Variants in PBDC1 observed in about 807,000 individuals in gnomAD.
The protein encoded by PBDC1 is protein PBDC1.
In PBDC1, 3 loss-of-function variants were observed where a neutral mutation model predicts 12.0. The observed-to-expected ratio is 0.25, with a 90% CI of 0.11 to 0.64. The LOEUF (loss-of-function observed/expected upper bound fraction) is 0.64. PBDC1 is among the 30% of genes least tolerant of loss of function. The pLI is 0.84. For synonymous variants in PBDC1, 64 were observed against 56.4 expected (o/e 1.13, Z -0.60); for missense variants, 162 against 168.1 (o/e 0.96, Z 0.20).
In PBDC1 at chrX:76,178,263, T is replaced by G. The variant is rs1165187711; in HGVS notation, c.*355T>G. ...CTTGAAATTTTTTTCAAATATGTAATCTCATCACCATGTCTTATATAAGAT... is the reference window on the plus strand; with the variant it reads ...CTTGAAATTTTTTTCAAATATGTAAGCTCATCACCATGTCTTATATAAGAT... On this transcript the variant is annotated 3_prime_UTR_variant, in exon 6 of 6. Transcript: ENST00000373358. 7.3e-6 allele frequency: 2 copies of G among 272,349 alleles called. No individual in the cohort carries two copies. Among genetic ancestry groups the G allele is most frequent in the Non-Finnish European group, 1.3e-5 (2 of 154,733 alleles). The allele number at this position is 272,349 out of a possible 1,213,427, so 22.4% of individuals were successfully genotyped here.
chrX:76,173,765 C>T, intron 2 of PBDC1, 115 bp downstream of exon 2: 1 of 385,458 alleles, frequency 2.6e-6, no homozygotes. Flanking sequence ...AGACCCTCTC[C>T]ACTTACACCA....
intron 2 of PBDC1, among the ~76,000 whole-genome samples, chrX:76,174,392 T>C (rs782432959): frequency 9.8e-5 from 11 of 112,117 alleles, no homozygotes; most frequent in East Asian, 2.8e-4. Flanking sequence ...GTAAGACTTA[T>C]TATAACCTTG....
At position 76,173,086 on chromosome X, in the gene PBDC1, G is replaced by A. The variant is rs1924695292; in HGVS notation, c.-53G>A. The A allele has an allele frequency of 1.7e-6, 2 of 1,152,320 alleles. No homozygotes were observed. The highest frequency in any genetic ancestry group is 2.3e-6 in the Non-Finnish European group (2 of 858,149). The allele number at this position is 1,152,320 out of a possible 1,213,427, so 95.0% of individuals were successfully genotyped here. A position where few individuals can be genotyped will look rare whatever the true frequency, so the allele number is the denominator to read the frequency against. On this transcript the variant is annotated 5_prime_UTR_variant, in exon 1 of 6. Coordinates refer to ENST00000373358, the MANE Select transcript of PBDC1 (RefSeq NM_016500.5). ...CGCCAGTTGAGAAGGACTCTGATCC[G>A]GCTCAGCTTTCCAATCAGCTGCGGA...
chrX:76,175,353 G>A (rs1356540412), intron 3 of PBDC1, 120 bp from the exon 4 acceptor site: 7 of 628,367 alleles, frequency 1.1e-5, no homozygotes, highest in African/African-American at 9.0e-5. Context: ...GTAGACTGTC[G>A]ACACTTCCTG....
At chrX:76,174,983 A>C (rs782314230) in intron 3 of PBDC1, 34 bp downstream of exon 3, 1 of 1,027,124 alleles carries the variant, frequency 9.7e-7, no homozygotes, top group South Asian at 1.9e-5. Flanking sequence ...AAGCAGAATT[A>C]AACATGTAAT....
Position 76,175,730 on chromosome X carries a change from C to G in PBDC1, c.297+117C>G. ...GAGAAAAATATGTAAAGAACCAGAA[C>G]TTCTTTTCTAGTTGTAATCAACTAA... is the stretch of plus-strand genomic sequence containing the variant. On this transcript the variant is annotated intron_variant, in intron 4 of 5. Coordinates refer to ENST00000373358, the MANE Select transcript of PBDC1 (RefSeq NM_016500.5). 2 of 526,409 alleles carry G rather than the reference C, an allele frequency of 3.8e-6. 1 individual carries two copies. Among genetic ancestry groups the G allele is most frequent in the Non-Finnish European group, 5.9e-6 (2 of 340,171 alleles). 43.4% of individuals were successfully genotyped at this position (526,409 alleles called of 1,213,427 possible).
rs782443234 is a variant in PBDC1, at chrX:76,177,039, A to G, written c.409+47A>G. On this transcript the variant is annotated intron_variant, in intron 5 of 5. Coordinates refer to ENST00000373358, the MANE Select transcript of PBDC1 (RefSeq NM_016500.5). The stretch of plus-strand genomic sequence containing the variant: ...TTGTTTCTGTGTAAGGAGACTGAAC[A>G]GTCTGGCTTTACTGATGAATCAGTG... 14 of 875,887 alleles carry G rather than the reference A, an allele frequency of 1.6e-5. No individual in the cohort carries two copies. The African/African-American group carries it at 2.2e-4, about 14-fold the overall frequency. The allele number at this position is 875,887 out of a possible 1,213,427, so 72.2% of individuals were successfully genotyped here.
chrX:76,177,953 C>T lies in PBDC1; in HGVS notation c.*45C>T. On this transcript the variant is annotated 3_prime_UTR_variant, in exon 6 of 6. Coordinates refer to ENST00000373358, the MANE Select transcript of PBDC1 (RefSeq NM_016500.5). ...TCTAGAAGCTATGACTCAATTGAGA[C>T]TACAAGTACCACGGTGCTACTTGCA... 2 of 1,198,945 alleles carry T rather than the reference C, an allele frequency of 1.7e-6. No homozygotes were observed. The highest frequency in any genetic ancestry group is 2.2e-6 in the Non-Finnish European group (2 of 889,810).
Position 76,173,629 on chromosome X carries a change from A to G in PBDC1, c.75A>G (p.Pro25=). ...LVSVAHALSL[P]AESYGNDPDI... Reference sequence around the variant, plus strand: ...CTGTGGCACATGCGCTTTCTCTCCCAGCAGAGTCGTATGGCAACGATGTGA... The same window carrying G: ...CTGTGGCACATGCGCTTTCTCTCCCGGCAGAGTCGTATGGCAACGATGTGA... The change falls in exon 2 of 6, where the codon CCA becomes CCG. Residue 25 remains proline (P), a synonymous_variant. Transcript: ENST00000373358. 3 of 1,193,830 alleles carry G rather than the reference A, an allele frequency of 2.5e-6. No homozygotes were observed. Among genetic ancestry groups the G allele is most frequent in the Non-Finnish European group, 3.4e-6 (3 of 886,298 alleles).
chrX:76,177,776 A>C lies in PBDC1; in HGVS notation c.570A>C (p.Gly190=), dbSNP rs781904025. 1 of 1,201,688 alleles carries C rather than the reference A, an allele frequency of 8.3e-7. No homozygotes were observed. The highest frequency in any genetic ancestry group is 1.8e-5 in the South Asian group (1 of 55,369). The change falls in exon 6 of 6, where the codon GGA becomes GGC. Residue 190 remains glycine, a synonymous_variant. Coordinates refer to ENST00000373358, the MANE Select transcript of PBDC1 (RefSeq NM_016500.5). ...DSGEEENTKN[G]GEKGADSGEE... is the part of the protein sequence containing the mutation. ...GAGAAGAAGAGAACACCAAGAATGG[A>C]GGAGAGAAAGGAGCTGATAGTGGAG...
At chrX:76,173,716 G>T (rs1380005518) in intron 2 of PBDC1, 66 bp downstream of exon 2, 1 of 741,368 alleles carries the variant, frequency 1.3e-6, no homozygotes. Context: ...GGACCTGCCT[G>T]CCACTAAGTT....
In PBDC1 at chrX:76,173,697, A is replaced by G. The variant is rs376142225; in HGVS notation, c.96+47A>G. The stretch of plus-strand genomic sequence containing the variant: ...CTCCCACCCACTCAGCTAGCCTGGG[A>G]TCTCTGCAGGACCTGCCTGCCACTA... On this transcript the variant is annotated intron_variant, in intron 2 of 5. Transcript: ENST00000373358. The G allele has an allele frequency of 1.5e-5, 14 of 953,916 alleles. No homozygotes were observed. The African/African-American group carries it at 2.5e-4, about 17-fold the overall frequency. The allele number at this position is 953,916 out of a possible 1,213,427, so 78.6% of individuals were successfully genotyped here. A position where few individuals can be genotyped will look rare whatever the true frequency, so the allele number is the denominator to read the frequency against.
intron 2 of PBDC1, 26 bp downstream of exon 2, chrX:76,173,676 C>T (rs782449196): frequency 1.8e-6 from 2 of 1,085,707 alleles, no homozygotes; most frequent in African/African-American, 1.9e-5. Flanking sequence ...CCACAGCTCC[C>T]ACCCACTCAG....
At position 76,173,567 on chromosome X, in the gene PBDC1, C is replaced by A. The variant is rs1319763657; in HGVS notation, c.31-18C>A. 1 of 1,179,142 alleles carries A rather than the reference C, an allele frequency of 8.5e-7. No homozygotes were observed. The highest frequency in any genetic ancestry group is 2.3e-5 in the Admixed American group (1 of 43,131). ...CCGGCCTTGGGGGGAGCCTTGAACTCTTTTTCCTCCTTTCTAGGTTTCCGG... is the reference window on the plus strand; with the variant it reads ...CCGGCCTTGGGGGGAGCCTTGAACTATTTTTCCTCCTTTCTAGGTTTCCGG... On this transcript the variant is annotated intron_variant, in intron 1 of 5. Coordinates refer to ENST00000373358, the MANE Select transcript of PBDC1 (RefSeq NM_016500.5).
At position 76,178,098 on chromosome X, in the gene PBDC1, CTG is replaced by C. The variant is rs1924838001; in HGVS notation, c.*192_*193del. 11 of 718,501 alleles carry C rather than the reference CTG, an allele frequency of 1.5e-5. No individual in the cohort carries two copies. In the Middle Eastern group the frequency reaches 1.3e-3, roughly 82 times the overall value. The allele number at this position is 718,501 out of a possible 1,213,427, so 59.2% of individuals were successfully genotyped here. ...TCCCTTGTATGAACTGGTCTAAAGACTGTTAGTGGGGTGTTAGTTGATTTTTC... is the reference window on the plus strand; with the variant it reads ...TCCCTTGTATGAACTGGTCTAAAGACTTAGTGGGGTGTTAGTTGATTTTTC... On this transcript the variant is annotated 3_prime_UTR_variant, in exon 6 of 6. Transcript: ENST00000373358.
At position 76,175,535 on chromosome X, in the gene PBDC1, T is replaced by C. The variant is rs1489521423; in HGVS notation, c.219T>C (p.Ser73=). ...KLTKVDDQIY[S]EFRKNFETLR... is the part of the protein sequence containing the mutation. ...CCAAAGTAGATGACCAAATTTACTC[T>C]GAGTTCCGGAAAAATTTTGAGACCC... is the stretch of plus-strand genomic sequence containing the variant. The change falls in exon 4 of 6, where the codon TCT becomes TCC. Residue 73 remains serine (S), a synonymous_variant. Transcript: ENST00000373358. The C allele has an allele frequency of 8.3e-7, 1 of 1,206,337 alleles. No individual in the cohort carries two copies. The highest frequency in any genetic ancestry group is 1.1e-6 in the Non-Finnish European group (1 of 890,523).
rs1556797163 is a variant in PBDC1 at position 76,177,985 on chromosome X, C to G, written c.*77C>G. ...TACCACGGTGCTACTTGCACAGACC[C>G]CTTTGGTTAAATGTAAATTCTTGTA... On this transcript the variant is annotated 3_prime_UTR_variant, in exon 6 of 6. Transcript: ENST00000373358. The G allele has an allele frequency of 8.5e-7, 1 of 1,179,270 alleles. No homozygotes were observed. Among genetic ancestry groups the G allele is most frequent in the Non-Finnish European group, 1.1e-6 (1 of 883,336 alleles).
At position 76,177,737 on chromosome X, in the gene PBDC1, AAG is replaced by A; in HGVS notation, c.534_535del (p.Arg178SerfsTer2). On this transcript the variant is annotated frameshift_variant, in exon 6 of 6. Transcript: ENST00000373358. LOFTEE classifies it low-confidence loss of function (END_TRUNC). ...EKGVNNGGEK[R>X]ADSGEEENTK... ...AAGGAGTCAACAATGGAGGAGAAAA[AAG>A]AGCTGACAGTGGAGAAGAAGAGAAC... 8.3e-7 allele frequency: 1 copy of A among 1,210,277 alleles called. No homozygotes were observed. The highest frequency in any genetic ancestry group is 1.1e-6 in the Non-Finnish European group (1 of 894,955).
chrX:76,173,993 G>T (rs1924727472), intron 2 of PBDC1, among the ~76,000 whole-genome samples: 1 of 112,222 alleles, frequency 8.9e-6, no homozygotes, highest in South Asian at 3.7e-4. Flanking sequence ...GGATTCCATT[G>T]TGCAGCTTAT....
Sources: gnomAD v4.1 joint callset for allele counts (sites outside exome capture counted in the v4.1 genomes callset) on GRCh38, gnomAD v4.1.1 for gene constraint, MANE v1.5 for transcripts, NCBI Gene and HGNC (gene_info 2026-07-23, HGNC 2026-07-21) for gene names.